Variants in EYS observed in about 807,000 individuals in gnomAD.
EYS encodes protein eyes shut homolog.
Under a neutral mutation model 282.1 loss-of-function variants are expected in EYS, and 250 were observed. The observed-to-expected ratio is 0.89, with a 90% CI of 0.80 to 0.98. The LOEUF (loss-of-function observed/expected upper bound fraction) is 0.98. Among genes scored for constraint, EYS ranks in the 50% least tolerant of loss-of-function variants. The pLI is 0.00. For missense variants in EYS, 4,016 were observed against 3,709.0 expected (o/e 1.08, Z -2.15); for synonymous variants, 1,355 against 1,282.9 (o/e 1.06, Z -1.20).
At chr6:65,165,608 T>A (rs1764954395) in intron 12 of EYS, among the ~76,000 whole-genome samples, 3 of 151,194 alleles carry the variant, frequency 2.0e-5, no homozygotes, top group Non-Finnish European at 4.4e-5. Context: ...TTGTGAGATT[T>A]TATTTCCAAG....
At chr6:64,456,308 A>C (rs1775559144) in intron 26 of EYS, among the ~76,000 whole-genome samples, 1 of 152,096 alleles carries the variant, frequency 6.6e-6, no homozygotes, top group African/African-American at 2.4e-5. Context: ...CTTAGTTTTA[A>C]TATTAATTTG....
rs565081553 is a variant in EYS at position 64,451,039 on chromosome 6, A to C, written c.5645-11687T>G. ...AACTGAAGGAAATAGAGACACAAAA[A>C]ACCCTTCAAAAAAGCAGTGAATCCA... On this transcript the variant is annotated intron_variant, in intron 26 of 42. Coordinates refer to ENST00000503581, the MANE Select transcript of EYS (RefSeq NM_001142800.2). Among the ~76,000 whole-genome samples the C allele has an allele frequency of 6.6e-5, 10 of 152,314 alleles. 1 individual carries two copies. The East Asian group carries it at 1.9e-3, about 29-fold the overall frequency.
At chr6:65,520,273 T>C (rs570192415) in intron 2 of EYS, among the ~76,000 whole-genome samples, 1 of 152,270 alleles carries the variant, frequency 6.6e-6, no homozygotes, top group African/African-American at 2.4e-5. Flanking sequence ...AGAAATAATT[T>C]ATATATGATA....
chr6:64,346,524 G>A (rs1412364626), intron 29 of EYS, among the ~76,000 whole-genome samples: 2 of 151,730 alleles, frequency 1.3e-5, no homozygotes, highest in African/African-American at 4.8e-5. Flanking sequence ...GGTACAGGAA[G>A]GGGAACATCA....
intron 41 of EYS, among the ~76,000 whole-genome samples, chr6:63,742,950 T>G (rs2149643342): frequency 6.6e-6 from 1 of 152,324 alleles, no homozygotes; most frequent in African/African-American, 2.4e-5. Context: ...TGATTTTGTG[T>G]GGACGTAAGT....
At chr6:64,058,461 A>G (rs985653483) in intron 33 of EYS, among the ~76,000 whole-genome samples, 1 of 152,000 alleles carries the variant, frequency 6.6e-6, no homozygotes, top group Non-Finnish European at 1.5e-5. Flanking sequence ...TCTAACCATA[A>G]TGATAAATTC....
In EYS at chr6:65,266,989, T is replaced by TATATATAGAGAG. The variant is rs144200033; in HGVS notation, c.2023+28873_2023+28874insCTCTCTATATAT. Reference sequence around the variant, plus strand: ...ACACATACCTTGACATATATATATATAGAGAGAGAGAGAGAGAGAGATCAC... The same window carrying TATATATAGAGAG: ...ACACATACCTTGACATATATATATATATATATAGAGAGAGAGAGAGAGAGAGAGAGAGATCAC... On this transcript the variant is annotated intron_variant, in intron 12 of 42. Transcript: ENST00000503581. Among the ~76,000 whole-genome samples the TATATATAGAGAG allele has an allele frequency of 7.0e-3, 988 of 142,118 alleles. 17 individuals are homozygous for TATATATAGAGAG. Among genetic ancestry groups the TATATATAGAGAG allele is most frequent in the African/African-American group, 0.025 (947 of 37,960 alleles). The allele number at this position is 142,118 out of a possible 152,430, so 93.2% of individuals were successfully genotyped here.
At chr6:64,461,043 C>T (rs1775727693) in intron 26 of EYS, among the ~76,000 whole-genome samples, 2 of 152,102 alleles carry the variant, frequency 1.3e-5, no homozygotes, top group South Asian at 4.1e-4. Context: ...AGTGCACAAA[C>T]ACAGGGCAGT....
chr6:65,024,305 T>G (rs1772333019), intron 13 of EYS, among the ~76,000 whole-genome samples: 1 of 152,158 alleles, frequency 6.6e-6, no homozygotes, highest in African/African-American at 2.4e-5. Flanking sequence ...CCTTACAACT[T>G]AAAACACCCC....
chr6:65,663,666 A>G (rs1316452123), intron 1 of EYS, among the ~76,000 whole-genome samples: 2 of 151,860 alleles, frequency 1.3e-5, no homozygotes, highest in Admixed American at 1.3e-4. Flanking sequence ...TCATTAGTAG[A>G]TAAAATCTTT....
At chr6:64,172,442 G>T (rs1764506509) in intron 31 of EYS, among the ~76,000 whole-genome samples, 1 of 152,006 alleles carries the variant, frequency 6.6e-6, no homozygotes, top group Admixed American at 6.5e-5. Flanking sequence ...GACAATTTTA[G>T]TTACCACGCG....
At chr6:65,286,452 C>A (rs1021185492) in intron 12 of EYS, among the ~76,000 whole-genome samples, 3 of 151,654 alleles carry the variant, frequency 2.0e-5, no homozygotes, top group African/African-American at 7.3e-5. Flanking sequence ...AAGACAGATT[C>A]TTGATTAAAT....
intron 29 of EYS, among the ~76,000 whole-genome samples, chr6:64,317,301 C>A (rs1372820200): frequency 2.7e-5 from 4 of 150,458 alleles, no homozygotes; most frequent in African/African-American, 9.8e-5. Context: ...TGACAAAGGG[C>A]TAAAATTCAG....
intron 12 of EYS, among the ~76,000 whole-genome samples, chr6:65,114,822 C>G (rs1775321102): frequency 6.6e-6 from 1 of 151,934 alleles, no homozygotes; most frequent in African/African-American, 2.4e-5. Context: ...CTGAATACTC[C>G]TATGTACTTT....
chr6:65,342,284 G>A (rs1770227528), intron 10 of EYS, among the ~76,000 whole-genome samples: 1 of 150,958 alleles, frequency 6.6e-6, no homozygotes, highest in South Asian at 2.1e-4. Context: ...TCCTCAAATT[G>A]TCTGATTACA....
chr6:63,896,302 T>A (rs1271985998), intron 35 of EYS, among the ~76,000 whole-genome samples: 1 of 152,240 alleles, frequency 6.6e-6, no homozygotes, highest in Admixed American at 6.5e-5. Flanking sequence ...TCATTTGTTT[T>A]TAGGTTGGAC....
chr6:65,272,783 C>T, intron 12 of EYS, among the ~76,000 whole-genome samples: 1 of 151,998 alleles, frequency 6.6e-6, no homozygotes, highest in East Asian at 1.9e-4. Context: ...AATCAGCATT[C>T]AAAATATCTT....
Position 64,490,209 on chromosome 6 carries a change from C to T in EYS, c.5645-50857G>A, listed in dbSNP as rs536800932. Among the ~76,000 whole-genome samples the T allele has an allele frequency of 6.0e-5, 9 of 150,760 alleles. 1 individual carries two copies. In the South Asian group the frequency reaches 1.7e-3, roughly 28 times the overall value. On this transcript the variant is annotated intron_variant, in intron 26 of 42. Transcript: ENST00000503581. ...AACCTGGGCCATATAAGACTATTGC[C>T]CCGAATAACAATATAATACACTAAA...
intron 2 of EYS, among the ~76,000 whole-genome samples, chr6:65,561,583 T>A (rs56927543): frequency 0.058 from 8,854 of 152,178 alleles, 747 homozygotes; most frequent in African/African-American, 0.18. Context: ...ATGGTATCTT[T>A]TAGATATATT....
Sources: gnomAD v4.1 joint callset for allele counts (sites outside exome capture counted in the v4.1 genomes callset) on GRCh38, gnomAD v4.1.1 for gene constraint, MANE v1.5 for transcripts, NCBI Gene and HGNC (gene_info 2026-07-23, HGNC 2026-07-21) for gene names.